The following USP15 variants were observed in gnomAD, a reference collection of about 807,000 sequenced individuals.
The protein encoded by USP15 is ubiquitin carboxyl-terminal hydrolase 15.
A neutral mutation model predicts 127.1 loss-of-function variants in USP15; 18 were observed. The ratio of observed to expected loss-of-function variants is 0.14; its 90% confidence interval spans 0.10 to 0.21. The LOEUF (loss-of-function observed/expected upper bound fraction) is 0.21, where lower values mean the gene tolerates loss of function less well. Among genes scored for constraint, USP15 ranks in the 10% least tolerant of loss-of-function variants. The pLI is 1.00. For synonymous variants in USP15, 364 were observed against 393.7 expected, an observed-to-expected ratio of 0.92 and a Z score of 0.89; for missense variants, 805 against 1,159.9, an observed-to-expected ratio of 0.69 and a Z score of 4.44.
chr12:62,344,172 G>A (rs1224567402), intron 6 of USP15, among the ~76,000 whole-genome samples: 1 of 152,128 alleles, frequency 6.6e-6, no homozygotes, highest in Non-Finnish European at 1.5e-5. Context: ...TTCAAGACAA[G>A]GCAAGTCCCT....
chr12:62,370,967 C>T (rs897911678), intron 8 of USP15, among the ~76,000 whole-genome samples: 1 of 152,186 alleles, frequency 6.6e-6, no homozygotes, highest in African/African-American at 2.4e-5. Context: ...TTATATAGCA[C>T]ATATTTTTCC....
chr12:62,349,363 A>G, intron 7 of USP15, 56 bp downstream of exon 7: 1 of 1,175,364 alleles, frequency 8.5e-7, no homozygotes. Context: ...TTATGGTTGC[A>G]AAAAATCTCT....
At chr12:62,290,807 A>T (rs1271598798) in intron 1 of USP15, among the ~76,000 whole-genome samples, 2 of 152,192 alleles carry the variant, frequency 1.3e-5, no homozygotes, top group Non-Finnish European at 2.9e-5. Flanking sequence ...CAGTCTAGTG[A>T]TGACAGATTC....
chr12:62,313,867 A>G (rs2064754043), intron 3 of USP15: 1 of 168,534 alleles, frequency 5.9e-6, no homozygotes, highest in Admixed American at 6.6e-5. Flanking sequence ...GCAGTGAAAG[A>G]CAAGTTTGTA....
intron 1 of USP15, among the ~76,000 whole-genome samples, chr12:62,293,308 A>G (rs1003276980): frequency 2.0e-5 from 3 of 151,904 alleles, no homozygotes; most frequent in East Asian, 3.9e-4. Flanking sequence ...ATTTTTGTGT[A>G]CTAGTATTCT....
intron 1 of USP15, among the ~76,000 whole-genome samples, chr12:62,262,588 A>T (rs2063098317): frequency 1.3e-5 from 2 of 151,878 alleles, no homozygotes; most frequent in Non-Finnish European, 2.9e-5. Flanking sequence ...GTTTAACTTT[A>T]TGAAGTTTGG....
intron 1 of USP15, among the ~76,000 whole-genome samples, chr12:62,274,497 T>C (rs1165135129): frequency 6.6e-6 from 1 of 151,202 alleles, no homozygotes; most frequent in East Asian, 1.9e-4. Context: ...TTTTTAAAAA[T>C]TAACCGGGTG....
chr12:62,396,015 A>G (rs943275469), intron 19 of USP15, among the ~76,000 whole-genome samples: 2 of 152,046 alleles, frequency 1.3e-5, no homozygotes, highest in African/African-American at 2.4e-5. Context: ...GGGAGTGCAG[A>G]TATCTCTTCA....
At chr12:62,332,498 A>C (rs1166502201) in intron 6 of USP15, among the ~76,000 whole-genome samples, 1 of 152,140 alleles carries the variant, frequency 6.6e-6, no homozygotes, top group Non-Finnish European at 1.5e-5. Flanking sequence ...TTTCTAAAAA[A>C]TGATTTTACA....
Position 62,394,806 on chromosome 12 carries a change from G to A in USP15, c.2571-1489G>A, listed in dbSNP as rs144319805. ...GGAGATTTCAGTGAGCTGAGATCGCGCCACTGCACTCCAGGCTGCCTGGCG... is the reference window on the plus strand; with the variant it reads ...GGAGATTTCAGTGAGCTGAGATCGCACCACTGCACTCCAGGCTGCCTGGCG... On this transcript the variant is annotated intron_variant, in intron 19 of 21. Coordinates refer to ENST00000280377, the MANE Select transcript of USP15 (RefSeq NM_001252078.2). Among the ~76,000 whole-genome samples the A allele has an allele frequency of 7.3e-5, 11 of 150,688 alleles. No homozygotes were observed. In the East Asian group the frequency reaches 7.8e-4, roughly 11 times the overall value.
chr12:62,387,667 A>G (rs1335979258), intron 11 of USP15, among the ~76,000 whole-genome samples: 1 of 152,176 alleles, frequency 6.6e-6, no homozygotes, highest in East Asian at 1.9e-4. Flanking sequence ...CAAGCCAGCA[A>G]GAGGGTTGAG....
At chr12:62,390,059 A>C in intron 14 of USP15, 71 bp downstream of exon 14, 12 of 1,370,218 alleles carry the variant, frequency 8.8e-6, no homozygotes, top group Non-Finnish European at 1.2e-5. Context: ...AATAAAAATA[A>C]ACACATAAGG....
chr12:62,403,675 C>T (rs1011102088), intron 21 of USP15, among the ~76,000 whole-genome samples: 9 of 151,896 alleles, frequency 5.9e-5, no homozygotes, highest in African/African-American at 2.2e-4. Context: ...TGGAGAGGGA[C>T]TTATGATAGG....
Position 62,294,161 on chromosome 12 carries a change from A to C in USP15, c.90-18A>C. The C allele has an allele frequency of 6.2e-7, 1 of 1,608,376 alleles. No homozygotes were observed. The highest frequency in any genetic ancestry group is 8.5e-7 in the Non-Finnish European group (1 of 1,178,374). On this transcript the variant is annotated intron_variant, in intron 1 of 21. Coordinates refer to ENST00000280377, the MANE Select transcript of USP15 (RefSeq NM_001252078.2). ...TATTTTCAGGTATTTTCCTTAACCA[A>C]TTTCTTTTATTTTTTAGGTACCTAG...
intron 11 of USP15, among the ~76,000 whole-genome samples, chr12:62,387,012 G>GT (rs1332293244): frequency 6.6e-6 from 1 of 152,170 alleles, no homozygotes; most frequent in East Asian, 1.9e-4. Context: ...CAGCAGTGCT[G>GT]TTTTAGTGGA....
chr12:62,375,783 A>G (rs1404464859), intron 8 of USP15, among the ~76,000 whole-genome samples: 4 of 152,180 alleles, frequency 2.6e-5, no homozygotes, highest in Admixed American at 1.3e-4. Flanking sequence ...GCAGTTTCCC[A>G]TATAAAATAT....
rs2065900593 is a variant in USP15, at chr12:62,349,151, CTTT to C, written c.684-68_684-66del. 37 of 956,640 alleles carry C rather than the reference CTTT, an allele frequency of 3.9e-5. No individual in the cohort carries two copies. In the South Asian group the frequency reaches 7.6e-4, roughly 20 times the overall value. The allele number at this position is 956,640 out of a possible 1,614,324, so 59.3% of individuals were successfully genotyped here. Reference sequence around the variant, plus strand: ...TTTACTACAAACATTGTCATCTGTTCTTTTATTTCATAATTAATTTAAAAATTC... The same window carrying C: ...TTTACTACAAACATTGTCATCTGTTCTATTTCATAATTAATTTAAAAATTC... On this transcript the variant is annotated intron_variant, in intron 6 of 21. Transcript: ENST00000280377.
intron 8 of USP15, among the ~76,000 whole-genome samples, chr12:62,370,859 A>C (rs1420000205): frequency 6.6e-6 from 1 of 152,140 alleles, no homozygotes; most frequent in African/African-American, 2.4e-5. Flanking sequence ...ACTTACACTA[A>C]TCTTGATTAT....
At chr12:62,352,913 A>C (rs1055613460) in intron 7 of USP15, among the ~76,000 whole-genome samples, 1 of 151,982 alleles carries the variant, frequency 6.6e-6, no homozygotes, top group Non-Finnish European at 1.5e-5. Context: ...TACAATTCCC[A>C]TTACTATTAC....
Sources: allele counts gnomAD v4.1 joint callset (sites outside exome capture counted in the v4.1 genomes callset), GRCh38; gene constraint gnomAD v4.1.1; transcripts MANE v1.5; gene names NCBI Gene and HGNC (gene_info 2026-07-23, HGNC 2026-07-21).